The following RB1 variants were observed in gnomAD, a reference collection of about 807,000 sequenced individuals.
RB1 encodes RB transcriptional corepressor 1, also known as retinoblastoma-associated protein.
In RB1, 18 loss-of-function variants were observed where a neutral mutation model predicts 135.4. That is an observed-to-expected ratio of 0.13 (90% CI 0.09 to 0.20). The LOEUF (loss-of-function observed/expected upper bound fraction) is 0.20. RB1 is among the 10% of genes least tolerant of loss of function. The pLI, the probability that RB1 is intolerant of heterozygous loss-of-function variation, is 1.00. For missense variants in RB1, 868 were observed against 1,110.0 expected, an observed-to-expected ratio of 0.78 and a Z score of 3.10; for synonymous variants, 365 against 373.2, an observed-to-expected ratio of 0.98 and a Z score of 0.25.
Position 48,381,351 on chromosome 13 carries a change from T to C in RB1, c.1603T>C (p.Phe535Leu). 6.2e-7 allele frequency: 1 copy of C among 1,611,814 alleles called. No homozygotes were observed. Residue 535 changes from phenylalanine (F) to leucine (L), a missense_variant, in exon 17 of 27, where the codon TTT (phenylalanine) becomes CTT (leucine). Transcript: ENST00000267163. The part of the protein sequence containing the change: ...AFDFYKVIES[F>L]IKAEGNLTRE... ...TGATTTTTACAAAGTGATCGAAAGT[T>C]TTATCAAAGCAGAAGGCAACTTGAC...
At chr13:48,383,760 A>G (rs1377630234) in intron 17 of RB1, among the ~76,000 whole-genome samples, 1 of 152,096 alleles carries the variant, frequency 6.6e-6, no homozygotes, top group Admixed American at 6.6e-5. Flanking sequence ...AATCTGGGTA[A>G]TTAAGTGAAA....
intron 2 of RB1, chr13:48,333,009 C>T: frequency 2.5e-6 from 1 of 398,338 alleles, no homozygotes. Context: ...CTGTTTCTCT[C>T]AAAATAGGTA....
intron 17 of RB1, among the ~76,000 whole-genome samples, chr13:48,441,221 A>G (rs946020297): frequency 6.6e-6 from 1 of 152,214 alleles, no homozygotes; most frequent in African/African-American, 2.4e-5. Context: ...CCATGTCCTC[A>G]GATGGTGGAA....
intron 18 of RB1, among the ~76,000 whole-genome samples, chr13:48,454,253 A>ACTAC (rs1949346710): frequency 6.6e-6 from 1 of 152,216 alleles, no homozygotes; most frequent in Non-Finnish European, 1.5e-5. Flanking sequence ...CTTTCACAGA[A>ACTAC]ATGTGCCTAA....
intron 17 of RB1, among the ~76,000 whole-genome samples, chr13:48,424,274 G>A (rs1036358899): frequency 6.6e-6 from 1 of 152,006 alleles, no homozygotes. Context: ...TAAGTCTATC[G>A]GTATCATTTC....
intron 20 of RB1, among the ~76,000 whole-genome samples, chr13:48,462,756 C>A (rs763786070): frequency 9.2e-5 from 14 of 152,134 alleles, no homozygotes; most frequent in Non-Finnish European, 2.1e-4. Flanking sequence ...CCATTTTGAG[C>A]TAATTTTTTA....
chr13:48,477,483 AT>A (rs2138361292), intron 26 of RB1, 79 bp downstream of exon 26: 3 of 1,186,956 alleles, frequency 2.5e-6, no homozygotes, highest in African/African-American at 3.0e-5. Flanking sequence ...ATATAAAAGA[AT>A]GTATAATTTC....
At chr13:48,439,813 C>A (rs369733905) in intron 17 of RB1, 21 of 151,972 alleles carry the variant, frequency 1.4e-4, no homozygotes, top group East Asian at 9.6e-4. Context: ...CTTTTTGAAC[C>A]TAAGAAGACA....
chr13:48,304,531 G>C (rs2138029387), intron 1 of RB1, among the ~76,000 whole-genome samples: 1 of 152,228 alleles, frequency 6.6e-6, no homozygotes. Flanking sequence ...TCCATTTGTG[G>C]GAGAGGCCGA....
chr13:48,436,453 G>A (rs4151558), intron 17 of RB1, among the ~76,000 whole-genome samples: 205 of 152,274 alleles, frequency 1.3e-3, no homozygotes, highest in African/African-American at 4.7e-3. Context: ...GACCAGCCTG[G>A]CCAACATGGT....
intron 18 of RB1, among the ~76,000 whole-genome samples, chr13:48,455,459 A>G (rs1203767859): frequency 1.3e-5 from 2 of 152,224 alleles, no homozygotes; most frequent in Non-Finnish European, 2.9e-5. Flanking sequence ...AATCATTGTG[A>G]TAATGGGTCG....
At chr13:48,332,482 G>C (rs541918261) in intron 2 of RB1, among the ~76,000 whole-genome samples, 1 of 152,266 alleles carries the variant, frequency 6.6e-6, no homozygotes, top group Non-Finnish European at 1.5e-5. Context: ...GGTAGGAGGA[G>C]TGCTTGTGCA....
intron 6 of RB1, among the ~76,000 whole-genome samples, chr13:48,359,069 C>A (rs1328962999): frequency 1.3e-5 from 2 of 152,046 alleles, no homozygotes; most frequent in African/African-American, 4.8e-5. Context: ...GTTTAGCAGT[C>A]AGATACTCAG....
chr13:48,357,685 G>A (rs116727803), intron 6 of RB1, among the ~76,000 whole-genome samples: 1,587 of 152,034 alleles, frequency 0.01, 29 homozygotes, highest in African/African-American at 0.037. Flanking sequence ...AGGTGGTGAT[G>A]GTGATGCTAC....
chr13:48,387,430 A>G (rs1948578888), intron 17 of RB1, among the ~76,000 whole-genome samples: 1 of 152,192 alleles, frequency 6.6e-6, no homozygotes, highest in Admixed American at 6.5e-5. Flanking sequence ...ATGTTGAAAG[A>G]AGCCAGTCAC....
At chr13:48,331,927 G>A (rs1223459796) in intron 2 of RB1, among the ~76,000 whole-genome samples, 2 of 152,166 alleles carry the variant, frequency 1.3e-5, no homozygotes, top group African/African-American at 4.8e-5. Context: ...TAAACCCATT[G>A]TAAGTCAAAA....
rs1949138315 is a variant in RB1 at position 48,432,320 on chromosome 13, T to C, written c.1696-20673T>C. The stretch of plus-strand genomic sequence containing the variant: ...ATGTCCCCAAGATCTTTGGGGCAAA[T>C]AGAAATTTCTAAACAGTATTTCAAC... On this transcript the variant is annotated intron_variant, in intron 17 of 26. Transcript: ENST00000267163. 3.9e-5 allele frequency among the ~76,000 whole-genome samples: 6 copies of C among 152,264 alleles called. No homozygotes were observed. The South Asian group carries it at 1.2e-3, about 32-fold the overall frequency.
intron 2 of RB1, among the ~76,000 whole-genome samples, chr13:48,322,183 C>T (rs537328020): frequency 6.6e-6 from 1 of 152,198 alleles, no homozygotes; most frequent in African/African-American, 2.4e-5. Flanking sequence ...GCTTATTTCA[C>T]TTAGCATAAT....
intron 2 of RB1, among the ~76,000 whole-genome samples, chr13:48,330,544 C>A (rs530242806): frequency 1.3e-5 from 2 of 152,052 alleles, no homozygotes; most frequent in Admixed American, 6.5e-5. Flanking sequence ...TATATACTAA[C>A]AAATTGGATG....
Sources: gnomAD v4.1 joint callset for allele counts (sites outside exome capture counted in the v4.1 genomes callset) on GRCh38, gnomAD v4.1.1 for gene constraint, MANE v1.5 for transcripts, NCBI Gene and HGNC (gene_info 2026-07-23, HGNC 2026-07-21) for gene names.